The following FAM193A variants were observed in gnomAD, a reference collection of about 807,000 sequenced individuals.
FAM193A encodes the protein family with sequence similarity 193 member A, also known as protein FAM193A.
Under a neutral mutation model 126.5 loss-of-function variants are expected in FAM193A, and 22 were observed. The observed-to-expected ratio is 0.17, with a 90% CI of 0.12 to 0.25. The LOEUF (loss-of-function observed/expected upper bound fraction) is 0.25. FAM193A is among the 10% of genes least tolerant of loss of function. The pLI, the probability that FAM193A is intolerant of heterozygous loss-of-function variation, is 1.00. For synonymous variants in FAM193A, 761 were observed against 646.8 expected (o/e 1.18, Z -2.68); for missense variants, 1,675 against 1,672.8 (o/e 1.00, Z -0.02).
At chr4:2,684,476 A>G (rs1451489104) in intron 13 of FAM193A, among the ~76,000 whole-genome samples, 1 of 151,668 alleles carries the variant, frequency 6.6e-6, no homozygotes, top group Non-Finnish European at 1.5e-5. Context: ...CTGTGTTTGA[A>G]TGAAACCTTG....
intron 13 of FAM193A, among the ~76,000 whole-genome samples, chr4:2,675,359 C>T (rs548703280): frequency 2.2e-4 from 34 of 152,342 alleles, no homozygotes; most frequent in African/African-American, 7.9e-4. Context: ...CCCTTGAAGA[C>T]TTCCATTGAT....
At chr4:2,668,487 AG>A (rs1181239709) in intron 12 of FAM193A, among the ~76,000 whole-genome samples, 2 of 152,124 alleles carry the variant, frequency 1.3e-5, no homozygotes, top group African/African-American at 4.8e-5. Flanking sequence ...CTGAGATTAC[AG>A]GTGTGAGCCA....
intron 2 of FAM193A, among the ~76,000 whole-genome samples, chr4:2,620,745 A>G (rs114277970): frequency 0.017 from 2,589 of 148,598 alleles, 57 homozygotes; most frequent in African/African-American, 0.051. Context: ...GCTACTCAGG[A>G]GAATCGTTTG....
chr4:2,687,199 G>T (rs1174922105), intron 13 of FAM193A, among the ~76,000 whole-genome samples: 2 of 152,162 alleles, frequency 1.3e-5, no homozygotes, highest in East Asian at 3.9e-4. Context: ...GGGCAAGGTG[G>T]AAAGGTTTGG....
At chr4:2,590,463 C>CAAAAAAAAAAAAAAAAAAA (rs774897240) in intron 1 of FAM193A, among the ~76,000 whole-genome samples, 1 of 13,564 alleles carries the variant, frequency 7.4e-5, no homozygotes, top group Non-Finnish European at 1.4e-4. Context: ...GACTCCATCT[C>CAAAAAAAAAAAAAAAAAAA]AAAAAAAAAA....
intron 1 of FAM193A, among the ~76,000 whole-genome samples, chr4:2,549,124 AGATG>A (rs1209793705): frequency 1.3e-5 from 2 of 151,202 alleles, no homozygotes; most frequent in Non-Finnish European, 3.0e-5. Context: ...TATTTAGTAG[AGATG>A]GTGTTTCACC....
chr4:2,541,185 G>C (rs976744108), intron 1 of FAM193A, among the ~76,000 whole-genome samples: 2 of 151,494 alleles, frequency 1.3e-5, no homozygotes, highest in South Asian at 4.2e-4. Flanking sequence ...CAGGAGAATC[G>C]CTTGAACCTG....
At chr4:2,541,446 CTT>C (rs576194070) in intron 1 of FAM193A, among the ~76,000 whole-genome samples, 25 of 137,796 alleles carry the variant, frequency 1.8e-4, no homozygotes, top group African/African-American at 2.2e-4. Context: ...TCATTGTGTA[CTT>C]TTTTTTTTTT....
chr4:2,700,587 G>C (rs751578343), intron 19 of FAM193A, 43 bp downstream of exon 19: 1 of 1,574,374 alleles, frequency 6.4e-7, no homozygotes, highest in Non-Finnish European at 8.6e-7. Flanking sequence ...GCGATGCCTG[G>C]TTTTCCATGT....
intron 5 of FAM193A, among the ~76,000 whole-genome samples, chr4:2,632,197 A>G (rs1743660156): frequency 6.6e-6 from 1 of 152,138 alleles, no homozygotes; most frequent in Non-Finnish European, 1.5e-5. Context: ...TGGTAAACCT[A>G]CATTTTGAAA....
At chr4:2,663,085 A>G in intron 11 of FAM193A, 24 bp from the exon 12 acceptor site, 1 of 1,604,322 alleles carries the variant, frequency 6.2e-7, no homozygotes, top group Non-Finnish European at 8.5e-7. Flanking sequence ...GAAAAGTGCA[A>G]ATTACAAAAG....
chr4:2,537,967 C>T (rs1736990155), intron 1 of FAM193A, among the ~76,000 whole-genome samples: 1 of 152,184 alleles, frequency 6.6e-6, no homozygotes. Flanking sequence ...TTTTATTCAA[C>T]CGTTGGTCAC....
intron 1 of FAM193A, among the ~76,000 whole-genome samples, chr4:2,579,392 C>G (rs1464469744): frequency 6.6e-6 from 1 of 151,268 alleles, no homozygotes; most frequent in Admixed American, 6.6e-5. Flanking sequence ...CTAGCAGTTA[C>G]AAAGTGCAAT....
intron 2 of FAM193A, among the ~76,000 whole-genome samples, chr4:2,606,078 T>G (rs1335791262): frequency 1.8e-5 from 2 of 112,544 alleles, no homozygotes; most frequent in Non-Finnish European, 3.6e-5. Flanking sequence ...TGAGACAGTG[T>G]CTCACTCTGT....
At chr4:2,595,144 GT>G (rs1216006142) in intron 1 of FAM193A, among the ~76,000 whole-genome samples, 3 of 152,036 alleles carry the variant, frequency 2.0e-5, no homozygotes, top group Non-Finnish European at 4.4e-5. Flanking sequence ...GACTTGCTGG[GT>G]TTTAGCAATC....
At chr4:2,692,113 T>C (rs753557690) in intron 15 of FAM193A, among the ~76,000 whole-genome samples, 3 of 152,186 alleles carry the variant, frequency 2.0e-5, no homozygotes, top group Non-Finnish European at 2.9e-5. Flanking sequence ...ATTCTCACAC[T>C]GCTATGAAGA....
intron 1 of FAM193A, among the ~76,000 whole-genome samples, chr4:2,553,707 G>A (rs1018588399): frequency 2.6e-5 from 4 of 152,162 alleles, no homozygotes; most frequent in Admixed American, 2.6e-4. Flanking sequence ...GTATGGTTTG[G>A]CTATGTTCCC....
chr4:2,538,914 A>G (rs936015354), intron 1 of FAM193A, among the ~76,000 whole-genome samples: 1 of 151,754 alleles, frequency 6.6e-6, no homozygotes, highest in Non-Finnish European at 1.5e-5. Flanking sequence ...TTTTTGAGAC[A>G]GAGTCTCACT....
intron 1 of FAM193A, among the ~76,000 whole-genome samples, chr4:2,564,206 T>C (rs1463780231): frequency 1.3e-5 from 2 of 152,092 alleles, no homozygotes; most frequent in Non-Finnish European, 2.9e-5. Flanking sequence ...CTCAGCCTCC[T>C]GAGTAGGTGG....
Sources: gnomAD v4.1 joint callset for allele counts (sites outside exome capture counted in the v4.1 genomes callset) on GRCh38, gnomAD v4.1.1 for gene constraint, MANE v1.5 for transcripts, NCBI Gene and HGNC (gene_info 2026-07-23, HGNC 2026-07-21) for gene names.